Variants in PASK observed in about 807,000 individuals in gnomAD.
PASK encodes the protein PAS domain-containing serine/threonine-protein kinase.
PASK carries 110 observed loss-of-function variants against 121.0 expected under a neutral mutation model. The ratio of observed to expected loss-of-function variants is 0.91; its 90% CI spans 0.78 to 1.06. The LOEUF (loss-of-function observed/expected upper bound fraction) is 1.06. Among genes scored for constraint, PASK ranks in the 50% least tolerant of loss-of-function variants. PASK has a pLI of 0.00. For synonymous variants in PASK, 686 were observed against 717.8 expected (o/e 0.96, Z 0.71); for missense variants, 1,643 against 1,702.3 (o/e 0.97, Z 0.61).
Position 241,117,532 on chromosome 2 carries a change from G to C in PASK, c.3073-2119C>G, listed in dbSNP as rs2270045. 0.023 allele frequency among the ~76,000 whole-genome samples: 3,478 copies of C among 152,310 alleles called. 301 individuals carry two copies. The East Asian group carries it at 0.23, about 10-fold the overall frequency. On this transcript the variant is annotated intron_variant, in intron 12 of 17. Coordinates refer to ENST00000234040, the MANE Select transcript of PASK (RefSeq NM_015148.4). ...AGTGTCAGGAGGAGGGAGAAGGAAA[G>C]AATTAACGGAACCAAAGAACGGAAG...
intron 12 of PASK, among the ~76,000 whole-genome samples, chr2:241,116,892 C>A (rs1340854229): frequency 1.3e-5 from 2 of 152,072 alleles, no homozygotes; most frequent in African/African-American, 4.8e-5. Context: ...ACGATGAGTG[C>A]CAAGAAGGAA....
intron 8 of PASK, among the ~76,000 whole-genome samples, chr2:241,135,529 C>T (rs2066370332): frequency 6.6e-6 from 1 of 152,138 alleles, no homozygotes; most frequent in Non-Finnish European, 1.5e-5. Flanking sequence ...CATGGCTTCA[C>T]TTAAACTACA....
intron 1 of PASK, among the ~76,000 whole-genome samples, chr2:241,144,162 G>A (rs150463515): frequency 2.9e-4 from 44 of 152,174 alleles, no homozygotes; most frequent in South Asian, 1.5e-3. Context: ...GTGTGTGTGC[G>A]CGCATGTGAG....
chr2:241,121,201 C>T (rs559957947), intron 12 of PASK, among the ~76,000 whole-genome samples: 20 of 152,158 alleles, frequency 1.3e-4, no homozygotes, highest in Non-Finnish European at 2.6e-4. Context: ...GGGGGTTATG[C>T]GACTGACTAC....
At chr2:241,140,418 C>T in intron 3 of PASK, 103 bp downstream of exon 3, 5 of 904,980 alleles carry the variant, frequency 5.5e-6, no homozygotes, top group Admixed American at 2.0e-5. Context: ...TCCCGAAGTG[C>T]CCAAATGTTT....
intron 2 of PASK, 45 bp from the exon 3 acceptor site, chr2:241,140,798 C>T: frequency 7.8e-7 from 1 of 1,285,004 alleles, no homozygotes; most frequent in Non-Finnish European, 1.1e-6. Context: ...ACACAGCTGC[C>T]AGAGTCCACC....
At chr2:241,130,195 T>C (rs897977588) in intron 9 of PASK, among the ~76,000 whole-genome samples, 1 of 152,202 alleles carries the variant, frequency 6.6e-6, no homozygotes, top group Non-Finnish European at 1.5e-5. Flanking sequence ...TAATGCTTAT[T>C]TGTTGAATAA....
At chr2:241,117,695 C>T (rs534707795) in intron 12 of PASK, among the ~76,000 whole-genome samples, 2 of 152,270 alleles carry the variant, frequency 1.3e-5, no homozygotes, top group East Asian at 1.9e-4. Flanking sequence ...AAATAAATCA[C>T]GTTTTGCTGT....
At position 241,115,364 on chromosome 2, in the gene PASK, A is replaced by G; in HGVS notation, c.3122T>C (p.Ile1041Thr). The G allele has an allele frequency of 6.2e-7, 1 of 1,613,764 alleles. No homozygotes were observed. Among genetic ancestry groups the G allele is most frequent in the Non-Finnish European group, 8.5e-7 (1 of 1,179,730 alleles). ...KKEKVLEDCW[I>T]EDPKLGKVTL... ...AACTTTCCCAAGTTTGGGATCCTCAATCCAACAATCCTCCAAGACCTTCTC... is the reference window on the plus strand; with the variant it reads ...AACTTTCCCAAGTTTGGGATCCTCAGTCCAACAATCCTCCAAGACCTTCTC... The change falls in exon 13 of 18, where the codon ATT becomes ACT. Residue 1041 changes from isoleucine to threonine, a missense_variant. Physicochemically the swap from Ile to Thr is moderately conservative, Grantham distance 89. Coordinates refer to ENST00000234040, the MANE Select transcript of PASK (RefSeq NM_015148.4).
At chr2:241,123,832 A>G (rs1208459228) in intron 11 of PASK, 117 bp downstream of exon 11, 37 of 888,432 alleles carry the variant, frequency 4.2e-5, no homozygotes, top group Admixed American at 7.4e-5. Context: ...AAAAAAAAAA[A>G]AAAGCTACAA....
intron 8 of PASK, chr2:241,133,959 G>A (rs2066287613): frequency 1.4e-5 from 2 of 143,346 alleles, no homozygotes; most frequent in Non-Finnish European, 1.5e-5. Flanking sequence ...TCCAGCCTCA[G>A]CAACAAGAGC....
In PASK at chr2:241,108,045, AAAG is replaced by A; in HGVS notation, c.3667+119_3667+121del. On this transcript the variant is annotated intron_variant, in intron 16 of 17. Transcript: ENST00000234040. This position sits in a 1 kb window ranked among gnomAD's most constrained non-coding sequence, Gnocchi z 5.2. ...ATATGCAAATTATTTGATGAATAGA[AAAG>A]AAACAAATGAGACTGTTGATATGGA... 1 of 976,132 alleles carries A rather than the reference AAAG, an allele frequency of 1.0e-6. No individual in the cohort carries two copies. Among genetic ancestry groups the A allele is most frequent in the Non-Finnish European group, 1.6e-6 (1 of 606,880 alleles). 60.5% of individuals were successfully genotyped at this position (976,132 alleles called of 1,614,324 possible).
At chr2:241,117,112 C>T (rs982617448) in intron 12 of PASK, among the ~76,000 whole-genome samples, 11 of 141,316 alleles carry the variant, frequency 7.8e-5, no homozygotes, top group African/African-American at 2.4e-4. Context: ...AAGTGGGCAT[C>T]GGGAGGGCAT....
Position 241,137,056 on chromosome 2 carries a change from TG to T in PASK, c.1084del (p.His362ThrfsTer5). 1 of 1,613,484 alleles carries T rather than the reference TG, an allele frequency of 6.2e-7. No homozygotes were observed. The highest frequency in any genetic ancestry group is 8.5e-7 in the Non-Finnish European group (1 of 1,179,820). On this transcript the variant is annotated frameshift_variant, in exon 7 of 18. Transcript: ENST00000234040. LOFTEE classifies it high-confidence loss of function. Reference sequence around the variant, plus strand: ...ACCAAACAGTGTCAGCGCGAAGCTGTGGTTGATGCCGTGGATGGTCCCATCC... The same window carrying T: ...ACCAAACAGTGTCAGCGCGAAGCTGTGTTGATGCCGTGGATGGTCCCATCC... Reference protein sequence around the residue: ...LPDGTIHGINHSFALTLFGYG... With the variant: ...LPDGTIHGINXSFALTLFGYG...
intron 9 of PASK, 90 bp downstream of exon 9, chr2:241,132,784 G>A (rs2066226043): frequency 1.9e-6 from 2 of 1,072,344 alleles, no homozygotes; most frequent in South Asian, 1.3e-5. Flanking sequence ...ATGAATAATA[G>A]GCTGAACATT....
At position 241,126,335 on chromosome 2, in the gene PASK, TG is replaced by T. The variant is rs752277131; in HGVS notation, c.2579del (p.Pro860HisfsTer8). 6.4e-4 allele frequency: 1,029 copies of T among 1,614,204 alleles called. 2 individuals are homozygous for T. The highest frequency in any genetic ancestry group is 6.9e-4 in the Non-Finnish European group (820 of 1,180,038). On this transcript the variant is annotated frameshift_variant, in exon 10 of 18. Coordinates refer to ENST00000234040, the MANE Select transcript of PASK (RefSeq NM_015148.4). LOFTEE classifies it high-confidence loss of function. ...CGTTCAGCCTTGGCTCCTCTGCTGA[TG>T]GGCACGTGTCCTCAGGGCCAGCATC... ...TLDAGPEDTCPSAEEPRLNVQ... is the reference protein window; with the variant it reads ...TLDAGPEDTCXSAEEPRLNVQ...
Position 241,112,491 on chromosome 2 carries a change from T to C in PASK, c.3334-52A>G, listed in dbSNP as rs775703863. 3 of 1,175,226 alleles carry C rather than the reference T, an allele frequency of 2.6e-6. No individual in the cohort carries two copies. The highest frequency in any genetic ancestry group is 2.6e-5 in the South Asian group (2 of 76,306). The allele number at this position is 1,175,226 out of a possible 1,614,324, so 72.8% of individuals were successfully genotyped here. A position where few individuals can be genotyped will look rare whatever the true frequency, so the allele number is the denominator to read the frequency against. On this transcript the variant is annotated intron_variant, in intron 14 of 17. Transcript: ENST00000234040. This position sits in a 1 kb window ranked among gnomAD's most constrained non-coding sequence, Gnocchi z 5.2. Reference sequence around the variant, plus strand: ...TTTTAAAAAAGCAATTCAACTAAAATATGCATTTAAAATAAACTGGAACAA... The same window carrying C: ...TTTTAAAAAAGCAATTCAACTAAAACATGCATTTAAAATAAACTGGAACAA...
At position 241,122,879 on chromosome 2, in the gene PASK, C is replaced by CCCCCAAG. The variant is rs776615238; in HGVS notation, c.2924_2925insCTTGGGG (p.Trp975CysfsTer5). The CCCCCAAG allele has an allele frequency of 6.2e-7, 1 of 1,614,098 alleles. No individual in the cohort carries two copies. The highest frequency in any genetic ancestry group is 1.7e-5 in the Admixed American group (1 of 60,034). On this transcript the variant is annotated frameshift_variant, in exon 12 of 18. Transcript: ENST00000234040. LOFTEE classifies it high-confidence loss of function. ...CCACAGCCTTGGGGGGCTCCTCAAA[C>CCCCCAAG]CAGGGTCTGGCTCTGAGCACCTGCA... is the stretch of plus-strand genomic sequence containing the variant.
rs13427684 is a variant in PASK at position 241,126,383 on chromosome 2, T to C, written c.2532A>G (p.Pro844=). The part of the protein sequence containing the change: ...EHYAASDRES[P]GHVPSTLDAG... ...CATCCAACGTGGAAGGAACGTGTCC[T>C]GGGCTTTCTCTGTCGCTTGCTGCAT... Residue 844 remains proline (P), a synonymous_variant, in exon 10 of 18, where the codon CCA becomes CCG. Coordinates refer to ENST00000234040, the MANE Select transcript of PASK (RefSeq NM_015148.4). 4,880 of 1,614,260 alleles carry C rather than the reference T, an allele frequency of 3.0e-3. 127 individuals are homozygous for C. The African/African-American group carries it at 0.059, about 19-fold the overall frequency.
Sources: gnomAD v4.1 joint callset for allele counts (sites outside exome capture counted in the v4.1 genomes callset) on GRCh38, gnomAD v4.1.1 for gene constraint, Gnocchi (gnomAD v3.1) non-coding constraint, MANE v1.5 for transcripts, NCBI Gene and HGNC (gene_info 2026-07-23, HGNC 2026-07-21) for gene names.